The following NRG2 variants were observed in gnomAD, a reference collection of about 807,000 sequenced individuals.
The protein encoded by NRG2 is neuregulin 2, also known as pro-neuregulin-2, membrane-bound isoform.
NRG2 carries 27 observed loss-of-function variants against 73.9 expected under a neutral mutation model. The ratio of observed to expected loss-of-function variants is 0.37; its 90% CI spans 0.27 to 0.50. NRG2 has a LOEUF of 0.50. Ranked by LOEUF, NRG2 falls within the 20% of genes least tolerant of loss-of-function variation. The pLI is 0.96. For missense variants in NRG2, 1,126 were observed against 1,210.1 expected, an observed-to-expected ratio of 0.93 and a Z score of 1.03; for synonymous variants, 532 against 541.0, an observed-to-expected ratio of 0.98 and a Z score of 0.23.
At chr5:139,968,014 T>TAAATAAAC (rs1755678255) in intron 1 of NRG2, among the ~76,000 whole-genome samples, 1 of 150,490 alleles carries the variant, frequency 6.6e-6, no homozygotes, top group Non-Finnish European at 1.5e-5. Context: ...AATAAATAAA[T>TAAATAAAC]GGAGAACAGG....
rs368772970 is a variant in NRG2, at chr5:139,914,392, G to C, written c.701-26881C>G. Among the ~76,000 whole-genome samples the C allele has an allele frequency of 4.6e-5, 7 of 152,264 alleles. No individual in the cohort carries two copies. The East Asian group carries it at 1.4e-3, about 29-fold the overall frequency. On this transcript the variant is annotated intron_variant, in intron 1 of 9. Transcript: ENST00000361474. ...GTCCCTACCACCTCAAGAATTAGGAGTGCACACATCTGGAGTGGCCTTAAG... is the reference window on the plus strand; with the variant it reads ...GTCCCTACCACCTCAAGAATTAGGACTGCACACATCTGGAGTGGCCTTAAG...
chr5:139,975,848 T>C (rs1371217798), intron 1 of NRG2, among the ~76,000 whole-genome samples: 1 of 152,240 alleles, frequency 6.6e-6, no homozygotes, highest in Non-Finnish European at 1.5e-5. Flanking sequence ...TCTAGATACT[T>C]GGGACTCCAA....
At chr5:139,959,211 T>G (rs1028031486) in intron 1 of NRG2, among the ~76,000 whole-genome samples, 4 of 152,194 alleles carry the variant, frequency 2.6e-5, no homozygotes, top group Non-Finnish European at 4.4e-5. Context: ...TGTTTTTGTT[T>G]TTCTTTGATA....
chr5:139,855,703 A>G lies in NRG2; in HGVS notation c.1265T>C (p.Val422Ala). Residue 422 changes from valine to alanine, a missense_variant, in exon 6 of 10, where the codon GTC becomes GCC. Around this residue, in one of 3 missense-constraint regions of NRG2, gnomAD observed 539 missense variants for 703.2 expected, o/e 0.77. Transcript: ENST00000361474. Reference protein sequence around the residue: ...ICVALLVVGIVCVVAYCKTKK... With the variant: ...ICVALLVVGIACVVAYCKTKK... Reference sequence around the variant, plus strand: ...GGTCTTGCAGTAGGCCACCACACAGACGATGCCCACGACCAGCAGAGCCAC... The same window carrying G: ...GGTCTTGCAGTAGGCCACCACACAGGCGATGCCCACGACCAGCAGAGCCAC... 1 of 1,613,982 alleles carries G rather than the reference A, an allele frequency of 6.2e-7. No individual in the cohort carries two copies. The highest frequency in any genetic ancestry group is 1.3e-5 in the African/African-American group (1 of 75,006).
rs773079845 is a variant in NRG2, at chr5:140,042,556, C to G, written c.514G>C (p.Gly172Arg). 3 of 1,611,794 alleles carry G rather than the reference C, an allele frequency of 1.9e-6. No individual in the cohort carries two copies. Among genetic ancestry groups the G allele is most frequent in the Admixed American group, 1.7e-5 (1 of 59,962 alleles). Residue 172 changes from glycine to arginine, a missense_variant, in exon 1 of 10, where the codon GGG (glycine) becomes CGG (arginine). Transcript: ENST00000361474. ...ATCACCTGCTCGCGCTGCAGCCCCC[C>G]GCTCCGGAGCGGCCACTTGTCCAGC... ...KVLDKWPLRS[G>R]GLQREQVISV...
intron 1 of NRG2, among the ~76,000 whole-genome samples, chr5:139,892,951 G>A (rs1037674910): frequency 6.6e-6 from 1 of 152,132 alleles, no homozygotes; most frequent in African/African-American, 2.4e-5. Context: ...GAAATGATCC[G>A]CTGTATATGG....
chr5:139,948,455 T>G (rs935542466), intron 1 of NRG2, among the ~76,000 whole-genome samples: 2 of 152,168 alleles, frequency 1.3e-5, no homozygotes, highest in East Asian at 1.9e-4. Context: ...TCACTTTGAT[T>G]ATCACTGCCA....
At chr5:139,935,493 GATTCAA>G (rs762683716) in intron 1 of NRG2, among the ~76,000 whole-genome samples, 8 of 152,100 alleles carry the variant, frequency 5.3e-5, no homozygotes, top group Non-Finnish European at 1.2e-4. Flanking sequence ...AATTCTAAAA[GATTCAA>G]ATCATACAAA....
chr5:140,006,360 C>T (rs185205652), intron 1 of NRG2, among the ~76,000 whole-genome samples: 35 of 152,294 alleles, frequency 2.3e-4, no homozygotes, highest in African/African-American at 7.7e-4. Context: ...TGTCAAATGG[C>T]GTAACCATTC....
At position 139,968,131 on chromosome 5, in the gene NRG2, C is replaced by T. The variant is rs527993334; in HGVS notation, c.700+74239G>A. ...ACAGCTTCTGCTTTCCTAGCAGGCACTGGCAGCTCAAGTCAGGCCTTCCCA... is the reference window on the plus strand; with the variant it reads ...ACAGCTTCTGCTTTCCTAGCAGGCATTGGCAGCTCAAGTCAGGCCTTCCCA... On this transcript the variant is annotated intron_variant, in intron 1 of 9. Coordinates refer to ENST00000361474, the MANE Select transcript of NRG2 (RefSeq NM_004883.3). Among the ~76,000 whole-genome samples, 86 of 152,288 alleles carry T rather than the reference C, an allele frequency of 5.6e-4. 2 individuals carry two copies. Among genetic ancestry groups the T allele is most frequent in the African/African-American group, 2.0e-3 (84 of 41,562 alleles).
At chr5:139,918,565 G>C (rs1456406794) in intron 1 of NRG2, among the ~76,000 whole-genome samples, 3 of 152,194 alleles carry the variant, frequency 2.0e-5, no homozygotes, top group Non-Finnish European at 4.4e-5. Flanking sequence ...GGTCCAAGAT[G>C]TGGTTAGTAA....
In NRG2 at chr5:139,887,505, C is replaced by A. The variant is rs146573130; in HGVS notation, c.707G>T (p.Arg236Leu). The A allele has an allele frequency of 1.2e-6, 2 of 1,613,948 alleles. No homozygotes were observed. Among genetic ancestry groups the A allele is most frequent in the Non-Finnish European group, 8.5e-7 (1 of 1,179,948 alleles). The stretch of plus-strand genomic sequence containing the variant: ...GCTCTTCATCTTCTTCAACTTGGGC[C>A]GGGTGGCTGTGGGTTACAAGGCAGG... ...GKILCTDCATRPKLKKMKSQT... is the reference protein window; with the variant it reads ...GKILCTDCATLPKLKKMKSQT... Residue 236 changes from arginine (R) to leucine (L), a missense_variant, in exon 2 of 10, where the codon CGG becomes CTG. By Grantham distance (102) the Arg-to-Leu change is moderately radical (BLOSUM62 -2). Transcript: ENST00000361474. This position sits in a 1 kb window ranked among gnomAD's most constrained non-coding sequence, Gnocchi z 4.5.
chr5:140,019,192 T>G (rs1210808135), intron 1 of NRG2, among the ~76,000 whole-genome samples: 1 of 152,140 alleles, frequency 6.6e-6, no homozygotes, highest in Non-Finnish European at 1.5e-5. Flanking sequence ...CCCGGTTATT[T>G]CTAGGGCACC....
intron 1 of NRG2, among the ~76,000 whole-genome samples, chr5:139,956,363 C>T (rs7736276): frequency 0.14 from 21,069 of 151,126 alleles, 1,592 homozygotes; most frequent in South Asian, 0.25. Flanking sequence ...AATCTCCCCC[C>T]TCTCTGACTT....
intron 1 of NRG2, among the ~76,000 whole-genome samples, chr5:139,959,846 G>A (rs569888211): frequency 6.0e-4 from 92 of 152,290 alleles, no homozygotes; most frequent in African/African-American, 2.1e-3. Context: ...GTGTGGCAGC[G>A]TCCTGTCAAA....
chr5:139,965,010 T>G (rs1361417598), intron 1 of NRG2, among the ~76,000 whole-genome samples: 3 of 152,214 alleles, frequency 2.0e-5, no homozygotes, highest in Non-Finnish European at 4.4e-5. Context: ...AACAAAGGTG[T>G]CTTGATGCAC....
Position 140,043,198 on chromosome 5 carries a change from GGT to G in NRG2, c.-131_-130del. The stretch of plus-strand genomic sequence containing the variant: ...TAGCCCTCCACCGGCAGCCCGGGGA[GGT>G]GGCCCAGCTAGGGCAGGGGGCAGGC... On this transcript the variant is annotated 5_prime_UTR_variant, in exon 1 of 10. Coordinates refer to ENST00000361474, the MANE Select transcript of NRG2 (RefSeq NM_004883.3). The surrounding 1 kb of genome is among the most constrained non-coding windows in gnomAD (Gnocchi z 6.7). 8.9e-7 allele frequency: 1 copy of G among 1,127,216 alleles called. No homozygotes were observed. The highest frequency in any genetic ancestry group is 1.2e-6 in the Non-Finnish European group (1 of 827,060). 69.8% of individuals were successfully genotyped at this position (1,127,216 alleles called of 1,614,324 possible).
At chr5:139,938,449 C>T (rs180878057) in intron 1 of NRG2, among the ~76,000 whole-genome samples, 6 of 152,014 alleles carry the variant, frequency 3.9e-5, no homozygotes, top group South Asian at 2.1e-4. Flanking sequence ...CTTTATCTCC[C>T]GGGCTCAAAC....
At chr5:140,034,070 T>G (rs1456856771) in intron 1 of NRG2, among the ~76,000 whole-genome samples, 1 of 152,160 alleles carries the variant, frequency 6.6e-6, no homozygotes, top group East Asian at 1.9e-4. Flanking sequence ...GTGATTCTCC[T>G]GCCTCAGCCT....
Sources: gnomAD v4.1 joint callset for allele counts (sites outside exome capture counted in the v4.1 genomes callset) on GRCh38, gnomAD v4.1.1 for gene constraint, gnomAD v4.1.1 regional missense constraint, Gnocchi (gnomAD v3.1) non-coding constraint, MANE v1.5 for transcripts, NCBI Gene and HGNC (gene_info 2026-07-23, HGNC 2026-07-21) for gene names.